NPR3: variants seen among roughly 807,000 people sequenced by gnomAD.
NPR3 encodes the protein natriuretic peptide receptor 3.
In NPR3, 34 loss-of-function variants were observed where a neutral mutation model predicts 54.5. The observed-to-expected ratio is 0.62, with a 90% CI of 0.47 to 0.83. The LOEUF (loss-of-function observed/expected upper bound fraction) is 0.83, where lower values mean the gene tolerates loss of function less well. NPR3 is among the 40% of genes least tolerant of loss of function. The pLI is 0.00. For synonymous variants in NPR3, 289 were observed against 297.1 expected (o/e 0.97, Z 0.28); for missense variants, 674 against 720.8 (o/e 0.94, Z 0.74).
chr5:32,739,942 G>A (rs750189503), intron 3 of NPR3, among the ~76,000 whole-genome samples: 1 of 151,970 alleles, frequency 6.6e-6, no homozygotes, highest in Non-Finnish European at 1.5e-5. Flanking sequence ...GTGCAGTGGC[G>A]CGATCACGGC....
In NPR3 at chr5:32,786,222, C is replaced by G; in HGVS notation, c.1515-12C>G. 1 of 1,141,880 alleles carries G rather than the reference C, an allele frequency of 8.8e-7. No homozygotes were observed. The highest frequency in any genetic ancestry group is 1.3e-6 in the Non-Finnish European group (1 of 774,194). The allele number at this position is 1,141,880 out of a possible 1,614,324, so 70.7% of individuals were successfully genotyped here. A position where few individuals can be genotyped will look rare whatever the true frequency, so the allele number is the denominator to read the frequency against. On this transcript the variant is annotated splice_polypyrimidine_tract_variant and intron_variant, in intron 7 of 7. Transcript: ENST00000265074. ...CAAGTTTTATTACCACATTCACTTT[C>G]CCTTTACCCAGGAAGAAATACAGAA... is the stretch of plus-strand genomic sequence containing the variant.
rs1334975200 is a variant in NPR3 at position 32,788,855 on chromosome 5, T to G, written c.*2510T>G. On this transcript the variant is annotated 3_prime_UTR_variant, in exon 8 of 8. Transcript: ENST00000265074. ...GCTTATTTACATGTCAGTCATCTAC[T>G]TTTTTTCTTTGAAATCTGCATATGG... The G allele has an allele frequency of 6.6e-6, 1 of 152,246 alleles. No individual in the cohort carries two copies. Among genetic ancestry groups the G allele is most frequent in the African/African-American group, 2.4e-5 (1 of 41,454 alleles). 9.4% of individuals were successfully genotyped at this position (152,246 alleles called of 1,614,324 possible).
At chr5:32,698,130 A>G (rs1197508511) in intron 1 of NPR3, among the ~76,000 whole-genome samples, 2 of 152,110 alleles carry the variant, frequency 1.3e-5, no homozygotes, top group South Asian at 2.1e-4. Context: ...GCTTATAGCT[A>G]TAGACTTTCC....
chr5:32,746,399 C>T (rs137929956), intron 3 of NPR3, among the ~76,000 whole-genome samples: 1 of 152,242 alleles, frequency 6.6e-6, no homozygotes, highest in East Asian at 1.9e-4. Context: ...TTGAATTAGA[C>T]CATGGCTTGT....
chr5:32,746,316 C>T (rs1740296368), intron 3 of NPR3, among the ~76,000 whole-genome samples: 1 of 152,112 alleles, frequency 6.6e-6, no homozygotes, highest in African/African-American at 2.4e-5. Context: ...CGTGTGTATA[C>T]TTTTGGAGAG....
In NPR3 at chr5:32,780,808, AC is replaced by A; in HGVS notation, c.1285del (p.Gln429ArgfsTer27). On this transcript the variant is annotated frameshift_variant, in exon 5 of 8. Coordinates refer to ENST00000265074, the MANE Select transcript of NPR3 (RefSeq NM_001204375.2). LOFTEE classifies it high-confidence loss of function. ...VIAMTDVEAG[T>X]QEVIGDYFGK... ...TGCCATGACTGATGTGGAGGCGGGC[AC>A]CCAGGAGGTGAGCACGTGAGACCTC... is the stretch of plus-strand genomic sequence containing the variant. 2.0e-6 allele frequency: 3 copies of A among 1,536,684 alleles called. No homozygotes were observed. Among genetic ancestry groups the A allele is most frequent in the Non-Finnish European group, 2.7e-6 (3 of 1,109,656 alleles).
intron 1 of NPR3, among the ~76,000 whole-genome samples, chr5:32,695,310 G>C (rs1365622301): frequency 1.3e-5 from 2 of 152,160 alleles, no homozygotes; most frequent in Admixed American, 6.5e-5. Context: ...TGTCGTCCAG[G>C]CTGGAGTGCA....
chr5:32,728,837 G>GGATATA (rs1739282552), intron 2 of NPR3, among the ~76,000 whole-genome samples: 1 of 48,012 alleles, frequency 2.1e-5, no homozygotes, highest in Non-Finnish European at 3.6e-5. Flanking sequence ...GTGTGTGTGT[G>GGATATA]TATATATATA....
At chr5:32,707,004 A>G (rs1319626866), upstream of NPR3, among the ~76,000 whole-genome samples, 1 of 152,214 alleles carries the variant, frequency 6.6e-6, no homozygotes, top group Non-Finnish European at 1.5e-5. Context: ...GTTTTTGTGA[A>G]TATAATAATC....
In NPR3 at chr5:32,780,724, A is replaced by G; in HGVS notation, c.1198A>G (p.Ile400Val). The change falls in exon 5 of 8, where the codon ATC becomes GTC. Residue 400 changes from isoleucine to valine, a missense_variant and splice_region_variant. Ile to Val is a conservative substitution (Grantham distance 29). Transcript: ENST00000265074. The part of the protein sequence containing the change: ...QQTWNRTFEG[I>V]AGQVSIDANG... ...GTTCTTCGCTTCTGGTCCTGTAGGTATCGCCGGGCAGGTGTCCATAGATGC... is the reference window on the plus strand; with the variant it reads ...GTTCTTCGCTTCTGGTCCTGTAGGTGTCGCCGGGCAGGTGTCCATAGATGC... 1.4e-6 allele frequency: 2 copies of G among 1,463,046 alleles called. No homozygotes were observed. Among genetic ancestry groups the G allele is most frequent in the Non-Finnish European group, 1.9e-6 (2 of 1,042,358 alleles). The allele number at this position is 1,463,046 out of a possible 1,614,324, so 90.6% of individuals were successfully genotyped here.
chr5:32,753,318 A>ATTTTTT (rs1367519775), intron 3 of NPR3, among the ~76,000 whole-genome samples: 2 of 143,832 alleles, frequency 1.4e-5, no homozygotes. Context: ...ATGCTATGCT[A>ATTTTTT]TTTTCTTTTT....
chr5:32,719,319 T>G (rs1579599547), intron 1 of NPR3, among the ~76,000 whole-genome samples: 1 of 152,216 alleles, frequency 6.6e-6, no homozygotes, highest in East Asian at 1.9e-4. Context: ...TTTTGTTTTG[T>G]TGGACCACAT....
chr5:32,781,842 G>A (rs1038005548), intron 5 of NPR3, among the ~76,000 whole-genome samples: 6 of 152,164 alleles, frequency 3.9e-5, no homozygotes, highest in South Asian at 4.1e-4. Context: ...CTCAGTACAC[G>A]CCAGTGATTG....
chr5:32,757,010 T>G (rs1337850616), intron 3 of NPR3, among the ~76,000 whole-genome samples: 2 of 152,218 alleles, frequency 1.3e-5, no homozygotes, highest in African/African-American at 2.4e-5. Flanking sequence ...ACTGTAGCCT[T>G]GTAGTATAGT....
At position 32,712,005 on chromosome 5, in the gene NPR3, G is replaced by A. The variant is rs760526832; in HGVS notation, c.229G>A (p.Glu77Lys). The part of the protein sequence containing the change: ...FSLTRVRPAI[E>K]YALRSVEGNG... ...ACTCACCCGGGTGCGGCCGGCCATC[G>A]AGTATGCTCTGCGCAGCGTGGAGGG... The change falls in exon 1 of 8, where the codon GAG becomes AAG. Residue 77 changes from glutamate (E) to lysine (K), a missense_variant. By Grantham distance (56) the Glu-to-Lys change is moderately conservative. Transcript: ENST00000265074. The A allele has an allele frequency of 6.2e-7, 1 of 1,612,950 alleles. No individual in the cohort carries two copies. Among genetic ancestry groups the A allele is most frequent in the South Asian group, 1.1e-5 (1 of 91,034 alleles).
In NPR3 at chr5:32,773,363, G is replaced by A. The variant is rs115732604; in HGVS notation, c.1060-1345G>A. Among the ~76,000 whole-genome samples the A allele has an allele frequency of 4.0e-3, 604 of 152,216 alleles. 4 individuals carry two copies. Among genetic ancestry groups the A allele is most frequent in the African/African-American group, 0.014 (575 of 41,516 alleles). ...AAATGTGGTATTAGAATTTACCAAAGGTTGCTTTTAATGTAGGTAAGGGGT... is the reference window on the plus strand; with the variant it reads ...AAATGTGGTATTAGAATTTACCAAAAGTTGCTTTTAATGTAGGTAAGGGGT... On this transcript the variant is annotated intron_variant, in intron 3 of 7. Transcript: ENST00000265074.
Position 32,735,172 on chromosome 5 carries a change from A to T in NPR3, c.893-3692A>T, listed in dbSNP as rs534256113. Reference sequence around the variant, plus strand: ...CATTTCCACCTCTAGCCTGGTGGTCACTTGGGCATTCTGCAGTCGCCTTGG... The same window carrying T: ...CATTTCCACCTCTAGCCTGGTGGTCTCTTGGGCATTCTGCAGTCGCCTTGG... On this transcript the variant is annotated intron_variant, in intron 2 of 7. Transcript: ENST00000265074. 1.6e-3 allele frequency among the ~76,000 whole-genome samples: 250 copies of T among 152,286 alleles called. 1 individual carries two copies. The highest frequency in any genetic ancestry group is 5.8e-3 in the African/African-American group (240 of 41,554).
At chr5:32,742,359 C>T (rs765199) in intron 3 of NPR3, among the ~76,000 whole-genome samples, 35,227 of 151,870 alleles carry the variant, frequency 0.23, 4,140 homozygotes, top group South Asian at 0.31. Flanking sequence ...CAGTGGTACA[C>T]GCCTGTAATC....
chr5:32,742,771 GT>G (rs1243827887), intron 3 of NPR3, among the ~76,000 whole-genome samples: 1 of 152,054 alleles, frequency 6.6e-6, no homozygotes, highest in African/African-American at 2.4e-5. Context: ...TGTTAGTGAA[GT>G]TTTTTTCTTT....
Sources: allele counts gnomAD v4.1 joint callset (sites outside exome capture counted in the v4.1 genomes callset), GRCh38; gene constraint gnomAD v4.1.1; transcripts MANE v1.5; gene names NCBI Gene and HGNC (gene_info 2026-07-23, HGNC 2026-07-21).